KDM7A: variants seen among roughly 807,000 people sequenced by gnomAD.
The protein encoded by KDM7A is lysine-specific demethylase 7A.
In KDM7A, 28 loss-of-function variants were observed where a neutral mutation model predicts 114.8. That is an observed-to-expected ratio of 0.24 (90% confidence interval 0.18 to 0.33). KDM7A has a LOEUF of 0.33. KDM7A is among the 10% of genes least tolerant of loss of function. KDM7A has a pLI of 1.00. For synonymous variants in KDM7A, 423 were observed against 397.8 expected, an observed-to-expected ratio of 1.06 and a Z score of -0.75; for missense variants, 942 against 1,142.5, an observed-to-expected ratio of 0.82 and a Z score of 2.53.
rs770907332 is a variant in KDM7A, at chr7:140,111,134, G to A, written c.1389C>T (p.His463=). 51 of 1,606,422 alleles carry A rather than the reference G, an allele frequency of 3.2e-5. No individual in the cohort carries two copies. In the South Asian group the frequency reaches 4.6e-4, roughly 15 times the overall value. The part of the protein sequence containing the change: ...FEIPDNVRPG[H]LIKELSKVIR... ...TTACTTTAGAAAGTTCTTTAATAAG[G>A]TGTCCAGGTCTAACATTGTCTGGAA... Residue 463 remains histidine (H), a synonymous_variant, in exon 11 of 20, where the codon CAC becomes CAT. Transcript: ENST00000397560.
chr7:140,120,577 C>G (rs777002111), intron 7 of KDM7A, 48 bp from the exon 8 acceptor site: 2 of 1,076,258 alleles, frequency 1.9e-6, no homozygotes, highest in African/African-American at 3.1e-5. Context: ...AATATGTAAA[C>G]TAAACCAATA....
intron 1 of KDM7A, among the ~76,000 whole-genome samples, chr7:140,170,091 TGAA>T (rs1156736358): frequency 6.6e-6 from 1 of 152,132 alleles, no homozygotes; most frequent in Non-Finnish European, 1.5e-5. Context: ...ACACCAATCA[TGAA>T]GGTGAAATGT....
At position 140,091,076 on chromosome 7, in the gene KDM7A, G is replaced by A. The variant is rs1380694029; in HGVS notation, c.*18C>T. ...AGACTGGTCTCCAAAGGGAAGAATG[G>A]CTGCAACAGCAGCTCTGTCACACAA... On this transcript the variant is annotated 3_prime_UTR_variant, in exon 20 of 20. Coordinates refer to ENST00000397560, the MANE Select transcript of KDM7A (RefSeq NM_030647.2). 1 of 1,583,268 alleles carries A rather than the reference G, an allele frequency of 6.3e-7. No individual in the cohort carries two copies. The highest frequency in any genetic ancestry group is 8.7e-7 in the Non-Finnish European group (1 of 1,151,746).
rs949920316 is a variant in KDM7A at position 140,126,528 on chromosome 7, A to C, written c.888+109T>G. Reference sequence around the variant, plus strand: ...CCTGGTTAAAAAGTAAAAAAAAAAAAAAAAACTTCCCCCTTTACAAGTAAC... The same window carrying C: ...CCTGGTTAAAAAGTAAAAAAAAAAACAAAAACTTCCCCCTTTACAAGTAAC... On this transcript the variant is annotated intron_variant, in intron 6 of 19. Coordinates refer to ENST00000397560, the MANE Select transcript of KDM7A (RefSeq NM_030647.2). 5.4e-5 allele frequency: 33 copies of C among 608,740 alleles called. No homozygotes were observed. The African/African-American group carries it at 5.8e-4, about 11-fold the overall frequency. The allele number at this position is 608,740 out of a possible 1,614,324, so 37.7% of individuals were successfully genotyped here.
intron 1 of KDM7A, among the ~76,000 whole-genome samples, chr7:140,152,058 T>G (rs1272659681): frequency 6.6e-6 from 1 of 152,110 alleles, no homozygotes; most frequent in Non-Finnish European, 1.5e-5. Context: ...CTACTAACCT[T>G]TCTCATCTCA....
chr7:140,098,973 C>A lies in KDM7A; in HGVS notation c.1824G>T (p.Glu608Asp). 6.2e-7 allele frequency: 1 copy of A among 1,612,952 alleles called. No homozygotes were observed. The highest frequency in any genetic ancestry group is 8.5e-7 in the Non-Finnish European group (1 of 1,179,278). ...TTGCCTTTTTTGTCCTTCTTTTATC[C>A]TCTTCATTTTCACTATCTGCTGTAT... Reference protein sequence around the residue: ...SLYTADSENEEDKRRTKKAKM... With the variant: ...SLYTADSENEDDKRRTKKAKM... Residue 608 changes from glutamate (E) to aspartate (D), a missense_variant, in exon 14 of 20, where the codon GAG (glutamate) becomes GAT (aspartate). By Grantham distance (45) the Glu-to-Asp change is conservative. Coordinates refer to ENST00000397560, the MANE Select transcript of KDM7A (RefSeq NM_030647.2).
At chr7:140,108,441 G>C (rs1474417892) in intron 11 of KDM7A, among the ~76,000 whole-genome samples, 2 of 152,088 alleles carry the variant, frequency 1.3e-5, no homozygotes, top group African/African-American at 2.4e-5. Flanking sequence ...TTTGATGATG[G>C]TGACCTAGAG....
In KDM7A at chr7:140,097,569, GTCTTC is replaced by G; in HGVS notation, c.1987_1991del (p.Glu663LeufsTer15). ...CCAGTGCAGTGCACTCGGGTCCGGA[GTCTTC>G]TGACTCAGAAATATCAGAATATCCT... On this transcript the variant is annotated frameshift_variant, in exon 15 of 20. Transcript: ENST00000397560. 1 of 1,603,238 alleles carries G rather than the reference GTCTTC, an allele frequency of 6.2e-7. No homozygotes were observed.
intron 17 of KDM7A, chr7:140,095,772 G>C (rs1818098066): frequency 6.0e-6 from 1 of 165,818 alleles, no homozygotes; most frequent in African/African-American, 2.4e-5. Flanking sequence ...CCAGCTACTT[G>C]GGAGGCTGAG....
At chr7:140,120,604 A>C (rs1818604261) in intron 7 of KDM7A, 75 bp from the exon 8 acceptor site, 2 of 822,820 alleles carry the variant, frequency 2.4e-6, no homozygotes, top group African/African-American at 3.4e-5. Context: ...CTACCTGTGA[A>C]GTAACTCAAA....
chr7:140,092,278 C>T (rs1456925497), intron 18 of KDM7A: 3 of 580,204 alleles, frequency 5.2e-6, no homozygotes, highest in South Asian at 2.1e-5. Flanking sequence ...TAAGTTGCAT[C>T]GTTAAGTTAA....
In KDM7A at chr7:140,085,570, T is replaced by G. The variant is rs935798040; in HGVS notation, c.*5524A>C. The G allele has an allele frequency of 7.9e-5, 12 of 152,236 alleles. No individual in the cohort carries two copies. The highest frequency in any genetic ancestry group is 2.9e-4 in the African/African-American group (12 of 41,460). The allele number at this position is 152,236 out of a possible 1,614,324, so 9.4% of individuals were successfully genotyped here. On this transcript the variant is annotated 3_prime_UTR_variant, in exon 20 of 20. Coordinates refer to ENST00000397560, the MANE Select transcript of KDM7A (RefSeq NM_030647.2). ...AGTCTTTTCTGAAGGAAATACCATCTGCGAAGATGCATTTCCTGATCAGTG... is the reference window on the plus strand; with the variant it reads ...AGTCTTTTCTGAAGGAAATACCATCGGCGAAGATGCATTTCCTGATCAGTG...
At chr7:140,103,086 ACTGAAAC>A (rs1818259409) in intron 11 of KDM7A, among the ~76,000 whole-genome samples, 1 of 152,076 alleles carries the variant, frequency 6.6e-6, no homozygotes, top group South Asian at 2.1e-4. Flanking sequence ...ATCTGCACAA[ACTGAAAC>A]CTGAAACTGT....
intron 1 of KDM7A, among the ~76,000 whole-genome samples, chr7:140,155,734 A>G (rs963350435): frequency 6.6e-6 from 1 of 152,210 alleles, no homozygotes; most frequent in African/African-American, 2.4e-5. Context: ...TCTGGTGCAC[A>G]AACAGTCCAG....
intron 3 of KDM7A, among the ~76,000 whole-genome samples, chr7:140,131,251 G>A (rs1818781934): frequency 6.6e-6 from 1 of 152,092 alleles, no homozygotes; most frequent in Middle Eastern, 3.2e-3. Flanking sequence ...ACACGTTACA[G>A]GCATTACATT....
rs1818007829 is a variant in KDM7A at position 140,090,943 on chromosome 7, G to T, written c.*151C>A. 1.6e-6 allele frequency: 1 copy of T among 629,166 alleles called. No homozygotes were observed. Among genetic ancestry groups the T allele is most frequent in the Non-Finnish European group, 2.9e-6 (1 of 348,056 alleles). 39.0% of individuals were successfully genotyped at this position (629,166 alleles called of 1,614,324 possible). On this transcript the variant is annotated 3_prime_UTR_variant, in exon 20 of 20. Transcript: ENST00000397560. ...GTTATTGCTGAGTGGGTGTGGCACA[G>T]TGAAAATGCAGCATCAGGTTCATTC... is the stretch of plus-strand genomic sequence containing the variant.
intron 12 of KDM7A, 108 bp from the exon 13 acceptor site, chr7:140,100,131 A>G: frequency 8.4e-7 from 1 of 1,194,526 alleles, no homozygotes; most frequent in Non-Finnish European, 1.2e-6. Context: ...CATCTCAAAG[A>G]TACAGGCAGC....
chr7:140,165,126 G>T (rs1794560028), intron 1 of KDM7A, among the ~76,000 whole-genome samples: 1 of 152,126 alleles, frequency 6.6e-6, no homozygotes, highest in African/African-American at 2.4e-5. Flanking sequence ...TATCCCTGGG[G>T]TTCACAAAAC....
chr7:140,085,448 G>T lies in KDM7A; in HGVS notation c.*5646C>A, dbSNP rs1817910806. 1 of 152,126 alleles carries T rather than the reference G, an allele frequency of 6.6e-6. No homozygotes were observed. The highest frequency in any genetic ancestry group is 2.1e-4 in the South Asian group (1 of 4,836). 9.4% of individuals were successfully genotyped at this position (152,126 alleles called of 1,614,324 possible). ...CAAAGTTAGACATTTCACAGTAAAT[G>T]TGAAAGTTCATATTATATAATCTCT... On this transcript the variant is annotated 3_prime_UTR_variant, in exon 20 of 20. Transcript: ENST00000397560.
Sources: allele counts gnomAD v4.1 joint callset (sites outside exome capture counted in the v4.1 genomes callset), GRCh38; gene constraint gnomAD v4.1.1; transcripts MANE v1.5; gene names NCBI Gene and HGNC (gene_info 2026-07-23, HGNC 2026-07-21).